SMURF1: variants seen among roughly 807,000 people sequenced by gnomAD.
SMURF1 encodes the protein SMAD specific E3 ubiquitin protein ligase 1, also known as E3 ubiquitin-protein ligase SMURF1.
A neutral mutation model predicts 98.0 loss-of-function variants in SMURF1; 44 were observed. The ratio of observed to expected loss-of-function variants is 0.45; its 90% confidence interval spans 0.35 to 0.58. The LOEUF (loss-of-function observed/expected upper bound fraction) is 0.58. Among genes scored for constraint, SMURF1 ranks in the 20% least tolerant of loss-of-function variants. The pLI is 0.00. For synonymous variants in SMURF1, 396 were observed against 374.9 expected (o/e 1.06, Z -0.65); for missense variants, 687 against 938.4 (o/e 0.73, Z 3.50).
chr7:99,110,084 TA>T (rs777877888), intron 1 of SMURF1, among the ~76,000 whole-genome samples: 15 of 152,208 alleles, frequency 9.9e-5, no homozygotes, highest in Non-Finnish European at 2.2e-4. Context: ...CAGGAAAATA[TA>T]CTGAAAAACT....
chr7:99,040,917 G>A (rs908659058), intron 12 of SMURF1, among the ~76,000 whole-genome samples: 2 of 152,090 alleles, frequency 1.3e-5, no homozygotes, highest in Admixed American at 1.3e-4. Flanking sequence ...CATGCTGGAC[G>A]CGCACCCAGG....
chr7:99,040,695 T>TC, intron 12 of SMURF1, 139 bp from the exon 13 acceptor site: 1 of 733,192 alleles, frequency 1.4e-6, no homozygotes, highest in African/African-American at 1.8e-5. Flanking sequence ...CAGGCCCCGC[T>TC]CCTGAACAAG....
intron 1 of SMURF1, among the ~76,000 whole-genome samples, chr7:99,100,126 A>C (rs1267121177): frequency 3.0e-5 from 4 of 131,610 alleles, no homozygotes; most frequent in Non-Finnish European, 6.7e-5. Flanking sequence ...AAAAAAAAAA[A>C]GCTGCAAAGC....
rs1034470142 is a variant in SMURF1 at position 99,085,713 on chromosome 7, G to A, written c.56-23876C>T. Among the ~76,000 whole-genome samples, 10 of 152,234 alleles carry A rather than the reference G, an allele frequency of 6.6e-5. No homozygotes were observed. In the East Asian group the frequency reaches 1.2e-3, roughly 18 times the overall value. On this transcript the variant is annotated intron_variant, in intron 1 of 17. Transcript: ENST00000361368. The stretch of plus-strand genomic sequence containing the variant: ...TGTAGCCACCCTTATAGTATCACAC[G>A]GAATAGTTTCGCTGCCCTAAAAAAT...
chr7:99,074,155 G>A (rs1047303560), intron 1 of SMURF1, among the ~76,000 whole-genome samples: 1 of 152,176 alleles, frequency 6.6e-6, no homozygotes, highest in Non-Finnish European at 1.5e-5. Context: ...ACTAATATAT[G>A]CTGTTAAAGT....
intron 1 of SMURF1, among the ~76,000 whole-genome samples, chr7:99,136,410 GTTGAT>G (rs1451898336): frequency 6.6e-6 from 1 of 152,094 alleles, no homozygotes; most frequent in Non-Finnish European, 1.5e-5. Flanking sequence ...GTCTTTGCAT[GTTGAT>G]TTTATCCTAT....
chr7:99,056,744 T>C (rs10244793), intron 5 of SMURF1, among the ~76,000 whole-genome samples: 101,405 of 152,078 alleles, frequency 0.67, 35,647 homozygotes, highest in African/African-American at 0.91. Flanking sequence ...GGCTCACGCC[T>C]GTAAGCCCAG....
intron 1 of SMURF1, among the ~76,000 whole-genome samples, chr7:99,066,065 G>A (rs2150550036): frequency 6.7e-6 from 1 of 149,602 alleles, no homozygotes; most frequent in East Asian, 1.9e-4. Context: ...AAAGGCACAA[G>A]CGAGAAGACT....
chr7:99,092,458 GCAA>G (rs1796833580), intron 1 of SMURF1, among the ~76,000 whole-genome samples: 1 of 152,170 alleles, frequency 6.6e-6, no homozygotes, highest in Non-Finnish European at 1.5e-5. Context: ...TGTTTGCAGA[GCAA>G]CAACGACAAC....
Position 99,040,412 on chromosome 7 carries a change from C to A in SMURF1, c.1516G>T (p.Asp506Tyr). 1 of 1,577,452 alleles carries A rather than the reference C, an allele frequency of 6.3e-7. No individual in the cohort carries two copies. The highest frequency in any genetic ancestry group is 8.6e-7 in the Non-Finnish European group (1 of 1,162,852). ...PIQLSDLESVDPELHKSLVWI... is the reference protein window; with the variant it reads ...PIQLSDLESVYPELHKSLVWI... ...ACCAAGCTCTTATGCAGCTCTGGGT[C>A]CACAGATTCCAGATCTGAGAGCTGG... The change falls in exon 13 of 18, where the codon GAC becomes TAC. Residue 506 changes from aspartate (D) to tyrosine (Y), a missense_variant. Coordinates refer to ENST00000361368, the MANE Select transcript of SMURF1 (RefSeq NM_181349.3).
rs1023471089 is a variant in SMURF1 at position 99,070,869 on chromosome 7, A to G, written c.56-9032T>C. On this transcript the variant is annotated intron_variant, in intron 1 of 17. Coordinates refer to ENST00000361368, the MANE Select transcript of SMURF1 (RefSeq NM_181349.3). ...CCACAATGTGATGTGTCTGACTCCT[A>G]TGCCATGTTCACAAGGAGTCGAGAG... Among the ~76,000 whole-genome samples the G allele has an allele frequency of 2.0e-5, 3 of 152,144 alleles. No individual in the cohort carries two copies. In the East Asian group the frequency reaches 5.8e-4, roughly 29 times the overall value.
chr7:99,123,280 G>A (rs1449275378), intron 1 of SMURF1, among the ~76,000 whole-genome samples: 1 of 152,202 alleles, frequency 6.6e-6, no homozygotes, highest in African/African-American at 2.4e-5. Flanking sequence ...GCTTACGCCT[G>A]TAATTCCAGC....
chr7:99,047,891 GAA>G lies in SMURF1; in HGVS notation c.954-11_954-10del. The G allele has an allele frequency of 6.2e-7, 1 of 1,612,898 alleles. No homozygotes were observed. Among genetic ancestry groups the G allele is most frequent in the African/African-American group, 1.3e-5 (1 of 75,042 alleles). On this transcript the variant is annotated splice_polypyrimidine_tract_variant and intron_variant, in intron 9 of 17. Coordinates refer to ENST00000361368, the MANE Select transcript of SMURF1 (RefSeq NM_181349.3). Reference sequence around the variant, plus strand: ...TGAGTTGGCACTGGTGACTTGAGAAGAAGAGATGCAGAAAGTCACTCCGAAGC... The same window carrying G: ...TGAGTTGGCACTGGTGACTTGAGAAGGAGATGCAGAAAGTCACTCCGAAGC...
At chr7:99,051,591 T>A in intron 7 of SMURF1, 150 bp from the exon 8 acceptor site, 1 of 665,830 alleles carries the variant, frequency 1.5e-6, no homozygotes, top group East Asian at 2.7e-5. Flanking sequence ...GGCCGAATAA[T>A]CCCCTCTTCT....
At chr7:99,054,425 G>C (rs58527896) in intron 6 of SMURF1, among the ~76,000 whole-genome samples, 1 of 152,094 alleles carries the variant, frequency 6.6e-6, no homozygotes, top group African/African-American at 2.4e-5. Context: ...TCCTGCCTCA[G>C]TCTCCCCAGT....
At chr7:99,108,646 A>C (rs1005347685) in intron 1 of SMURF1, among the ~76,000 whole-genome samples, 23 of 150,826 alleles carry the variant, frequency 1.5e-4, no homozygotes, top group African/African-American at 5.3e-4. Flanking sequence ...GAAAGAAAGA[A>C]AGAAAAAAAG....
At chr7:99,032,937 C>T (rs1794966571) in intron 17 of SMURF1, 100 bp downstream of exon 17, 1 of 1,286,570 alleles carries the variant, frequency 7.8e-7, no homozygotes, top group South Asian at 1.3e-5. Flanking sequence ...AATATTTTGG[C>T]AGAGACTCCA....
intron 5 of SMURF1, 140 bp from the exon 6 acceptor site, chr7:99,055,005 C>CTA: frequency 1.5e-6 from 1 of 685,900 alleles, no homozygotes. Flanking sequence ...ACATATATTC[C>CTA]TATGCTTTCC....
intron 1 of SMURF1, among the ~76,000 whole-genome samples, chr7:99,071,193 G>A (rs909315205): frequency 6.6e-6 from 1 of 151,990 alleles, no homozygotes; most frequent in African/African-American, 2.4e-5. Flanking sequence ...CCTAGTAGCT[G>A]GGATTACAGG....
Sources: allele counts gnomAD v4.1 joint callset (sites outside exome capture counted in the v4.1 genomes callset), GRCh38; gene constraint gnomAD v4.1.1; transcripts MANE v1.5; gene names NCBI Gene and HGNC (gene_info 2026-07-23, HGNC 2026-07-21).